The following TET2 variants were observed in gnomAD, a reference collection of about 807,000 sequenced individuals.
The protein encoded by TET2 is methylcytosine dioxygenase TET2.
A neutral mutation model predicts 142.9 loss-of-function variants in TET2; 299 were observed. The ratio of observed to expected loss-of-function variants is 2.09; its 90% CI spans 1.90 to 2.30. The LOEUF (loss-of-function observed/expected upper bound fraction) is 2.30. Among genes scored for constraint, TET2 ranks in the 30% most tolerant of loss-of-function variants. The probability of loss-of-function intolerance (pLI) is 0.00; values close to 1 mark genes in which losing one functional copy is unlikely to be tolerated. For missense variants in TET2, 2,418 were observed against 2,378.0 expected, an observed-to-expected ratio of 1.02 and a Z score of -0.35; for synonymous variants, 819 against 849.0, an observed-to-expected ratio of 0.96 and a Z score of 0.61.
chr4:105,234,447 C>T lies in TET2; in HGVS notation c.505C>T (p.His169Tyr). ...TAAAGATTTCACCAGTTTTTCAACA[C>T]ATAACTGCAGTGGGCCTGAAAATCC... ...AVKDFTSFST[H>Y]NCSGPENPEL... The change falls in exon 3 of 11, where the codon CAT (histidine) becomes TAT (tyrosine). Residue 169 changes from histidine to tyrosine, a missense_variant. Coordinates refer to ENST00000380013, the MANE Select transcript of TET2 (RefSeq NM_001127208.3). The T allele has an allele frequency of 1.2e-6, 2 of 1,613,946 alleles. No homozygotes were observed. The highest frequency in any genetic ancestry group is 1.7e-6 in the Non-Finnish European group (2 of 1,179,984).
At chr4:105,240,035 C>T (rs1729206462) in intron 3 of TET2, 1 of 239,014 alleles carries the variant, frequency 4.2e-6, no homozygotes. Context: ...ATGTTTGCAC[C>T]ATTTACCAGA....
At position 105,234,774 on chromosome 4, in the gene TET2, C is replaced by T; in HGVS notation, c.832C>T (p.Gln278Ter). 1.2e-6 allele frequency: 2 copies of T among 1,613,894 alleles called. No homozygotes were observed. The highest frequency in any genetic ancestry group is 8.5e-7 in the Non-Finnish European group (1 of 1,179,926). Residue 278 changes from glutamine to a stop codon, truncating the protein, a stop_gained, in exon 3 of 11, where the codon CAG (glutamine) becomes TAG (stop). Coordinates refer to ENST00000380013, the MANE Select transcript of TET2 (RefSeq NM_001127208.3). LOFTEE classifies it high-confidence loss of function. ...TACCTCAGGGCAGATCAATTCCGCACAGACCTCTAACTCTGAGCTGCCTCC... is the reference window on the plus strand; with the variant it reads ...TACCTCAGGGCAGATCAATTCCGCATAGACCTCTAACTCTGAGCTGCCTCC... ...SHTSGQINSA[Q>*]TSNSELPPKP... is the part of the protein sequence containing the mutation.
chr4:105,187,432 A>G (rs1025211230), intron 1 of TET2, among the ~76,000 whole-genome samples: 1 of 152,208 alleles, frequency 6.6e-6, no homozygotes, highest in East Asian at 1.9e-4. Context: ...GAAATAGCCT[A>G]TTGACTCCAA....
At chr4:105,205,888 C>T (rs1356963753) in intron 2 of TET2, among the ~76,000 whole-genome samples, 1 of 152,176 alleles carries the variant, frequency 6.6e-6, no homozygotes, top group African/African-American at 2.4e-5. Context: ...CCTGCTTCAG[C>T]CTCCTAAAGT....
intron 6 of TET2, among the ~76,000 whole-genome samples, chr4:105,256,477 C>G (rs1329914525): frequency 6.6e-6 from 1 of 152,018 alleles, no homozygotes; most frequent in Non-Finnish European, 1.5e-5. Context: ...AGCTATTAAT[C>G]TTATTGGGAA....
chr4:105,177,716 T>C (rs1158944845), intron 1 of TET2: 2 of 152,232 alleles, frequency 1.3e-5, no homozygotes, highest in African/African-American at 4.8e-5. Flanking sequence ...GAAGACAGTT[T>C]GGCAGTTTCT....
intron 2 of TET2, among the ~76,000 whole-genome samples, chr4:105,200,132 A>G (rs971934287): frequency 1.3e-5 from 2 of 152,164 alleles, no homozygotes; most frequent in African/African-American, 4.8e-5. Context: ...GTCTTCCACA[A>G]TGGTTGAACT....
In TET2 at chr4:105,276,286, CG is replaced by C; in HGVS notation, c.5777del (p.Arg1926LeufsTer24). ...GGAAGCCAAAATGGCTGAAAAAGCC[CG>C]TGAGAAAGAGGAAGAGTGTGAAAAG... ...LWEAKMAEKA[R>X]EKEEECEKYG... On this transcript the variant is annotated frameshift_variant, in exon 11 of 11. Coordinates refer to ENST00000380013, the MANE Select transcript of TET2 (RefSeq NM_001127208.3). LOFTEE classifies it high-confidence loss of function. 1 of 1,551,508 alleles carries C rather than the reference CG, an allele frequency of 6.4e-7. No homozygotes were observed. Among genetic ancestry groups the C allele is most frequent in the Non-Finnish European group, 8.7e-7 (1 of 1,146,950 alleles).
intron 2 of TET2, among the ~76,000 whole-genome samples, chr4:105,191,051 C>G (rs376610011): frequency 6.6e-6 from 1 of 152,038 alleles, no homozygotes; most frequent in South Asian, 2.1e-4. Flanking sequence ...ATTTTACATA[C>G]GGTTTGTTTT....
intron 2 of TET2, among the ~76,000 whole-genome samples, chr4:105,201,134 G>C (rs1471833316): frequency 2.0e-5 from 3 of 152,250 alleles, no homozygotes; most frequent in African/African-American, 7.2e-5. Flanking sequence ...TGAGGACTGA[G>C]AATTCCCTTT....
intron 1 of TET2, among the ~76,000 whole-genome samples, chr4:105,148,575 G>C (rs567297924): frequency 6.6e-6 from 1 of 152,298 alleles, no homozygotes; most frequent in East Asian, 1.9e-4. Context: ...GTTTGGTTTG[G>C]TGTGATACTG....
At chr4:105,204,131 G>A (rs1454353940) in intron 2 of TET2, among the ~76,000 whole-genome samples, 2 of 151,516 alleles carry the variant, frequency 1.3e-5, no homozygotes, top group African/African-American at 4.9e-5. Context: ...CCCGGGAGGC[G>A]AGGTTGCAGT....
chr4:105,235,797 G>T lies in TET2; in HGVS notation c.1855G>T (p.Ala619Ser). 6.2e-7 allele frequency: 1 copy of T among 1,614,066 alleles called. No individual in the cohort carries two copies. The change falls in exon 3 of 11, where the codon GCT becomes TCT. Residue 619 changes from alanine to serine, a missense_variant. Coordinates refer to ENST00000380013, the MANE Select transcript of TET2 (RefSeq NM_001127208.3). ...CATGCCTGGGGGGCTCCCAAGGCAA[G>T]CTTACACCCAGAAAACAACACAGCT... ...SNMPGGLPRQ[A>S]YTQKTTQLEH...
intron 2 of TET2, among the ~76,000 whole-genome samples, chr4:105,224,358 C>T (rs1039996532): frequency 2.6e-5 from 4 of 152,064 alleles, no homozygotes; most frequent in African/African-American, 9.7e-5. Context: ...CACTAATGTG[C>T]TATTTTTAAG....
At position 105,277,356 on chromosome 4, in the gene TET2, CACAA is replaced by C. The variant is rs1357476309; in HGVS notation, c.*841_*844del. The C allele has an allele frequency of 4.5e-6, 1 of 224,660 alleles. No homozygotes were observed. Among genetic ancestry groups the C allele is most frequent in the Non-Finnish European group, 8.9e-6 (1 of 112,920 alleles). 13.9% of individuals were successfully genotyped at this position (224,660 alleles called of 1,614,324 possible). A position where few individuals can be genotyped will look rare whatever the true frequency, so the allele number is the denominator to read the frequency against. ...ATAAACGTATATATGTACATATATACACAAACATGTATATGTGCACACACATGTA... is the reference window on the plus strand; with the variant it reads ...ATAAACGTATATATGTACATATATACACATGTATATGTGCACACACATGTA... On this transcript the variant is annotated 3_prime_UTR_variant, in exon 11 of 11. Coordinates refer to ENST00000380013, the MANE Select transcript of TET2 (RefSeq NM_001127208.3).
chr4:105,250,380 A>ATTTTTGTTTTTTTT (rs1729805238), intron 6 of TET2, among the ~76,000 whole-genome samples: 1 of 60,276 alleles, frequency 1.7e-5, no homozygotes, highest in Non-Finnish European at 2.8e-5. Context: ...TCCTTTCTGG[A>ATTTTTGTTTTTTTT]TTTTTTTTTT....
intron 2 of TET2, among the ~76,000 whole-genome samples, chr4:105,216,399 T>G (rs889479598): frequency 6.6e-6 from 1 of 152,004 alleles, no homozygotes; most frequent in African/African-American, 2.4e-5. Flanking sequence ...TCTGAAATGC[T>G]CTTTTTCTTC....
chr4:105,262,936 C>T (rs1730515186), intron 8 of TET2, among the ~76,000 whole-genome samples: 1 of 151,788 alleles, frequency 6.6e-6, no homozygotes, highest in Non-Finnish European at 1.5e-5. Context: ...GCCTGTAATC[C>T]CAGCTACCCA....
chr4:105,152,771 A>T (rs1042523424), intron 1 of TET2, among the ~76,000 whole-genome samples: 1 of 151,346 alleles, frequency 6.6e-6, no homozygotes, highest in African/African-American at 2.4e-5. Context: ...TAATTTTTCT[A>T]TTTTTATTAG....
Sources: gnomAD v4.1 joint callset for allele counts (sites outside exome capture counted in the v4.1 genomes callset) on GRCh38, gnomAD v4.1.1 for gene constraint, MANE v1.5 for transcripts, NCBI Gene and HGNC (gene_info 2026-07-23, HGNC 2026-07-21) for gene names.